JDP2: variants seen among roughly 807,000 people sequenced by gnomAD.
The protein encoded by JDP2 is Jun dimerization protein 2, also known as progesterone receptor co-activator.
A neutral mutation model predicts 17.1 loss-of-function variants in JDP2; 9 were observed. That is an observed-to-expected ratio of 0.53 (90% CI 0.32 to 0.92). JDP2 has a LOEUF of 0.92. Ranked by LOEUF, JDP2 falls within the 40% of genes least tolerant of loss-of-function variation. The pLI is 0.04. For synonymous variants in JDP2, 107 were observed against 95.6 expected (o/e 1.12, Z -0.69); for missense variants, 179 against 220.0 (o/e 0.81, Z 1.18).
intron 2 of JDP2, among the ~76,000 whole-genome samples, chr14:75,450,622 A>T (rs1355191649): frequency 6.6e-6 from 1 of 152,194 alleles, no homozygotes; most frequent in Non-Finnish European, 1.5e-5. Flanking sequence ...GTTTGTTCAC[A>T]GGTGAATGTG....
At chr14:75,446,220 C>T (rs1397966450) in intron 2 of JDP2, among the ~76,000 whole-genome samples, 1 of 152,210 alleles carries the variant, frequency 6.6e-6, no homozygotes, top group African/African-American at 2.4e-5. Flanking sequence ...TAAAATGATG[C>T]AGCCACTTTG....
rs754823797 is a variant in JDP2, at chr14:75,469,442, C to G, written c.459C>G (p.Gly153=). ...TDSVKTPESE[G]NPLLEQLEKK ...GTGTCAAGACCCCCGAGTCAGAAGG[C>G]AACCCACTGCTCGAGCAGCTCGAGA... The change falls in exon 4 of 4, where the codon GGC becomes GGG. Residue 153 remains glycine, a synonymous_variant. Coordinates refer to ENST00000651602, the MANE Select transcript of JDP2 (RefSeq NM_001135048.2). The G allele has an allele frequency of 6.2e-7, 1 of 1,613,972 alleles. No homozygotes were observed. The highest frequency in any genetic ancestry group is 8.5e-7 in the Non-Finnish European group (1 of 1,179,948).
chr14:75,453,665 A>G (rs1004049232), intron 2 of JDP2, among the ~76,000 whole-genome samples: 3 of 152,232 alleles, frequency 2.0e-5, no homozygotes, highest in Non-Finnish European at 4.4e-5. Flanking sequence ...AGGCTCAGAG[A>G]GGCCAAGTAA....
rs922370615 is a variant in JDP2 at position 75,472,262 on chromosome 14, C to T, written c.*2787C>T. 1 of 152,248 alleles carries T rather than the reference C, an allele frequency of 6.6e-6. No individual in the cohort carries two copies. The highest frequency in any genetic ancestry group is 1.5e-5 in the Non-Finnish European group (1 of 68,064). The allele number at this position is 152,248 out of a possible 1,614,324, so 9.4% of individuals were successfully genotyped here. On this transcript the variant is annotated 3_prime_UTR_variant, in exon 4 of 4. Transcript: ENST00000651602. ...AACATTACAGATGAGAAAACCGAGGCACACAGAAGAGGTAACCTGCCCAAG... is the reference window on the plus strand; with the variant it reads ...AACATTACAGATGAGAAAACCGAGGTACACAGAAGAGGTAACCTGCCCAAG...
At chr14:75,432,389 C>T in intron 1 of JDP2, 1 of 1,512,394 alleles carries the variant, frequency 6.6e-7, no homozygotes, top group Non-Finnish European at 9.0e-7. Context: ...TCTCTGTGGA[C>T]TCCTGCCCTC....
intron 2 of JDP2, among the ~76,000 whole-genome samples, chr14:75,439,024 A>G (rs1347577281): frequency 1.3e-5 from 2 of 152,212 alleles, no homozygotes; most frequent in African/African-American, 2.4e-5. Flanking sequence ...GGGCGCAGGA[A>G]GCAGCTGAGC....
At chr14:75,467,343 C>T (rs1344496304) in intron 3 of JDP2, among the ~76,000 whole-genome samples, 3 of 152,212 alleles carry the variant, frequency 2.0e-5, no homozygotes, top group Non-Finnish European at 4.4e-5. Context: ...CTTTAGCCCT[C>T]TCTAAGGTCT....
chr14:75,443,144 C>T (rs1486489138), intron 2 of JDP2, among the ~76,000 whole-genome samples: 1 of 152,052 alleles, frequency 6.6e-6, no homozygotes, highest in Non-Finnish European at 1.5e-5. Flanking sequence ...ATCCATGGAC[C>T]AGAGAGCGGC....
At chr14:75,447,523 G>A (rs542896493) in intron 2 of JDP2, among the ~76,000 whole-genome samples, 1 of 152,264 alleles carries the variant, frequency 6.6e-6, no homozygotes, top group East Asian at 1.9e-4. Flanking sequence ...GGAGAGCACT[G>A]CCAAGGTGAC....
chr14:75,449,720 T>G (rs112863670), intron 2 of JDP2, among the ~76,000 whole-genome samples: 2 of 152,390 alleles, frequency 1.3e-5, no homozygotes, highest in African/African-American at 4.8e-5. Flanking sequence ...CTTCCCCAAA[T>G]AGCTCTTCTC....
At chr14:75,434,730 T>C (rs1884983310) in intron 1 of JDP2, among the ~76,000 whole-genome samples, 1 of 152,048 alleles carries the variant, frequency 6.6e-6, no homozygotes, top group African/African-American at 2.4e-5. Flanking sequence ...CTCCCAGAGA[T>C]GGAAGGCTTA....
At chr14:75,452,033 C>G (rs1386056317) in intron 2 of JDP2, among the ~76,000 whole-genome samples, 1 of 152,224 alleles carries the variant, frequency 6.6e-6, no homozygotes, top group Non-Finnish European at 1.5e-5. Flanking sequence ...ATCCTCCAGC[C>G]TCAGCCTCCT....
intron 2 of JDP2, among the ~76,000 whole-genome samples, chr14:75,456,673 AC>A (rs1449682717): frequency 1.3e-5 from 2 of 151,492 alleles, no homozygotes; most frequent in African/African-American, 4.9e-5. Context: ...CTCACCCTAA[AC>A]TTCACAGCCC....
chr14:75,457,407 G>A (rs1393768258), intron 2 of JDP2, among the ~76,000 whole-genome samples: 1 of 152,268 alleles, frequency 6.6e-6, no homozygotes, highest in East Asian at 1.9e-4. Context: ...CATGTTAGCT[G>A]TGGGGCATGA....
intron 2 of JDP2, among the ~76,000 whole-genome samples, chr14:75,456,815 T>C (rs920316492): frequency 2.6e-5 from 4 of 152,152 alleles, no homozygotes; most frequent in Non-Finnish European, 5.9e-5. Flanking sequence ...GGCTCAGCCA[T>C]TCATGCCTCG....
intron 2 of JDP2, among the ~76,000 whole-genome samples, chr14:75,438,781 A>G (rs1042390519): frequency 3.3e-5 from 5 of 152,236 alleles, no homozygotes; most frequent in Non-Finnish European, 7.3e-5. Context: ...TTGCACCTGC[A>G]GCTCTCATGA....
chr14:75,456,962 G>A (rs1886139280), intron 2 of JDP2, among the ~76,000 whole-genome samples: 1 of 152,160 alleles, frequency 6.6e-6, no homozygotes, highest in Non-Finnish European at 1.5e-5. Context: ...TGGCACAGCA[G>A]TACCCCTCAC....
At position 75,472,325 on chromosome 14, in the gene JDP2, T is replaced by C. The variant is rs1287588488; in HGVS notation, c.*2850T>C. ...AGGTGGCAGAGCCAAGATGTTATTG[T>C]CAGTCTGACTTCAGGTGCATAAAAC... is the stretch of plus-strand genomic sequence containing the variant. On this transcript the variant is annotated 3_prime_UTR_variant, in exon 4 of 4. Coordinates refer to ENST00000651602, the MANE Select transcript of JDP2 (RefSeq NM_001135048.2). 6.6e-6 allele frequency: 1 copy of C among 152,228 alleles called. No homozygotes were observed. Among genetic ancestry groups the C allele is most frequent in the East Asian group, 1.9e-4 (1 of 5,196 alleles). The allele number at this position is 152,228 out of a possible 1,614,324, so 9.4% of individuals were successfully genotyped here.
chr14:75,445,295 G>A (rs1024212837), intron 2 of JDP2: 7 of 985,456 alleles, frequency 7.1e-6, no homozygotes, highest in Non-Finnish European at 8.4e-6. Context: ...TGCTGGGAGT[G>A]AGGGCCTGGG....
Sources: gnomAD v4.1 joint callset for allele counts (sites outside exome capture counted in the v4.1 genomes callset) on GRCh38, gnomAD v4.1.1 for gene constraint, MANE v1.5 for transcripts, NCBI Gene and HGNC (gene_info 2026-07-23, HGNC 2026-07-21) for gene names.